Variants in NPM1 observed in about 807,000 individuals in gnomAD.
The protein encoded by NPM1 is nucleophosmin.
A neutral mutation model predicts 44.1 loss-of-function variants in NPM1; 1 was observed. That is an observed-to-expected ratio of 0.02 (90% CI 0.01 to 0.11). The LOEUF (loss-of-function observed/expected upper bound fraction) is 0.11. NPM1 is among the 10% of genes least tolerant of loss of function. The pLI is 1.00. For missense variants in NPM1, 197 were observed against 347.8 expected (o/e 0.57, Z 3.45); for synonymous variants, 126 against 111.8 (o/e 1.13, Z -0.80).
chr5:171,402,297 CAATG>C (rs1771252431), intron 8 of NPM1, among the ~76,000 whole-genome samples: 1 of 150,870 alleles, frequency 6.6e-6, no homozygotes, highest in Non-Finnish European at 1.5e-5. Context: ...ATCGAAACCA[CAATG>C]AGATACCATC....
At position 171,392,727 on chromosome 5, in the gene NPM1, G is replaced by C. The variant is rs1030167696; in HGVS notation, c.370G>C (p.Glu124Gln). 3 of 1,610,886 alleles carry C rather than the reference G, an allele frequency of 1.9e-6. No homozygotes were observed. The African/African-American group carries it at 4.0e-5, about 22-fold the overall frequency. Residue 124 changes from glutamate (E) to glutamine (Q), a missense_variant, in exon 5 of 11, where the codon GAG becomes CAG. Around this residue, in one of 5 missense-constraint regions of NPM1, gnomAD observed 91 missense variants for 94.0 expected, o/e 0.97. Coordinates refer to ENST00000296930, the MANE Select transcript of NPM1 (RefSeq NM_002520.7). Reference sequence around the variant, plus strand: ...TATTTTAGCTGTGGAGGAAGATGCAGAGTCAGAAGATGAAGAGGAGGAGGA... The same window carrying C: ...TATTTTAGCTGTGGAGGAAGATGCACAGTCAGAAGATGAAGAGGAGGAGGA... ...QHLVAVEEDA[E>Q]SEDEEEEDVK...
chr5:171,405,644 G>T, intron 9 of NPM1: 2 of 452,516 alleles, frequency 4.4e-6, no homozygotes, highest in Non-Finnish European at 7.8e-6. Context: ...GTAGTGCACT[G>T]GTTGCAAGAT....
At chr5:171,410,500 A>G (rs1313212992) in intron 10 of NPM1, 27 bp from the exon 11 acceptor site, 3 of 1,491,786 alleles carry the variant, frequency 2.0e-6, no homozygotes, top group Non-Finnish European at 2.7e-6. Context: ...TGGTTCCTTA[A>G]CCACATTTCT....
At chr5:171,391,878 C>A in intron 4 of NPM1, 79 bp downstream of exon 4, 1 of 804,462 alleles carries the variant, frequency 1.2e-6, no homozygotes, top group South Asian at 1.5e-5. Flanking sequence ...GGACTTAAAG[C>A]ATGGGTATAG....
chr5:171,405,088 C>A (rs116020651), intron 8 of NPM1, among the ~76,000 whole-genome samples: 4,268 of 152,176 alleles, frequency 0.028, 149 homozygotes, highest in Admixed American at 0.1. Context: ...CAGGCATGCA[C>A]CACCATGCCT....
At chr5:171,404,299 T>C (rs1195460162) in intron 8 of NPM1, among the ~76,000 whole-genome samples, 1 of 90,406 alleles carries the variant, frequency 1.1e-5, no homozygotes, top group Non-Finnish European at 2.2e-5. Flanking sequence ...ACTTCCCAGA[T>C]GGGGTGGCTG....
chr5:171,406,552 A>G, intron 9 of NPM1: 1 of 1,486,388 alleles, frequency 6.7e-7, no homozygotes. Context: ...TTTGCCACCC[A>G]TGCCTCTTCA....
At chr5:171,402,967 CATTTT>C (rs1302875033) in intron 8 of NPM1, among the ~76,000 whole-genome samples, 2 of 45,000 alleles carry the variant, frequency 4.4e-5, no homozygotes, top group Middle Eastern at 0.01. Context: ...TTTTTTTTTT[CATTTT>C]ATTTATTTAT....
intron 4 of NPM1, 51 bp from the exon 5 acceptor site, chr5:171,392,659 T>TC (rs749776062): frequency 4.9e-6 from 6 of 1,229,446 alleles, no homozygotes; most frequent in African/African-American, 4.5e-5. Flanking sequence ...TCTTTTTTTT[T>TC]CTGACTTCTT....
intron 9 of NPM1, 112 bp downstream of exon 9, chr5:171,405,515 T>TG (rs1771517722): frequency 3.0e-6 from 2 of 660,290 alleles, no homozygotes; most frequent in East Asian, 5.5e-5. Flanking sequence ...TTAATATACT[T>TG]GCCTGGTTCG....
rs146200852 is a variant in NPM1 at position 171,410,699 on chromosome 5, C to G, written c.*134C>G. On this transcript the variant is annotated 3_prime_UTR_variant, in exon 11 of 11. Transcript: ENST00000296930. The stretch of plus-strand genomic sequence containing the variant: ...GTGTTTGATAAATGTTGTCCAGGTT[C>G]TATTGCCAAGAATGTGTTGTCCAAA... 2.3e-3 allele frequency: 1,253 copies of G among 554,054 alleles called. 13 individuals are homozygous for G. Among genetic ancestry groups the G allele is most frequent in the African/African-American group, 0.022 (1,143 of 52,164 alleles). The allele number at this position is 554,054 out of a possible 1,614,324, so 34.3% of individuals were successfully genotyped here.
intron 10 of NPM1, among the ~76,000 whole-genome samples, chr5:171,409,308 T>C (rs1387758286): frequency 6.6e-6 from 1 of 152,176 alleles, no homozygotes; most frequent in Non-Finnish European, 1.5e-5. Flanking sequence ...AACCTGATGA[T>C]AAGATCTCTG....
In NPM1 at chr5:171,407,688, T is replaced by C; in HGVS notation, c.772-12T>C. 6.5e-7 allele frequency: 1 copy of C among 1,531,766 alleles called. No homozygotes were observed. Among genetic ancestry groups the C allele is most frequent in the Non-Finnish European group, 9.0e-7 (1 of 1,106,764 alleles). The allele number at this position is 1,531,766 out of a possible 1,614,324, so 94.9% of individuals were successfully genotyped here. A position where few individuals can be genotyped will look rare whatever the true frequency, so the allele number is the denominator to read the frequency against. On this transcript the variant is annotated splice_polypyrimidine_tract_variant and intron_variant, in intron 9 of 10. Transcript: ENST00000296930. ...TCTCTACTTACCTGTAATAATGCTT[T>C]TGTCTTAATAGGGTGGTTCTCTTCC...
chr5:171,403,775 G>A (rs1346869492), intron 8 of NPM1, among the ~76,000 whole-genome samples: 1 of 125,932 alleles, frequency 7.9e-6, no homozygotes, highest in South Asian at 2.9e-4. Flanking sequence ...GCGGCTGGCC[G>A]GGCAGAGGGG....
At chr5:171,387,205 A>G (rs998987828), upstream of NPM1, 2 of 152,208 alleles carry the variant, frequency 1.3e-5, no homozygotes, top group Admixed American at 1.3e-4. Context: ...ATGTTTTCTC[A>G]GGAAGGACAG....
chr5:171,398,645 C>T (rs144541624), intron 6 of NPM1, among the ~76,000 whole-genome samples: 83 of 152,132 alleles, frequency 5.5e-4, no homozygotes, highest in African/African-American at 2.0e-3. Flanking sequence ...GTAGCGTGTG[C>T]CTGTAGTCCC....
Position 171,387,861 on chromosome 5 carries a change from T to C in NPM1, c.-88T>C, listed in dbSNP as rs1770315109. 1 of 1,244,186 alleles carries C rather than the reference T, an allele frequency of 8.0e-7. No homozygotes were observed. The highest frequency in any genetic ancestry group is 1.2e-6 in the Non-Finnish European group (1 of 850,250). The allele number at this position is 1,244,186 out of a possible 1,614,324, so 77.1% of individuals were successfully genotyped here. A position where few individuals can be genotyped will look rare whatever the true frequency, so the allele number is the denominator to read the frequency against. On this transcript the variant is annotated 5_prime_UTR_variant, in exon 1 of 11. Coordinates refer to ENST00000296930, the MANE Select transcript of NPM1 (RefSeq NM_002520.7). ...GGGAGCCTGCGTCCTTTCCCTGGTG[T>C]GATTCCGTCCTGCGCGGTTGTTCTC...
chr5:171,393,391 T>C (rs925050464), intron 6 of NPM1, among the ~76,000 whole-genome samples: 4 of 152,236 alleles, frequency 2.6e-5, no homozygotes, highest in African/African-American at 9.6e-5. Flanking sequence ...TCAAGGTTTG[T>C]TATTCCCTAA....
chr5:171,401,823 C>T (rs1043221324), intron 8 of NPM1, among the ~76,000 whole-genome samples: 2 of 152,156 alleles, frequency 1.3e-5, no homozygotes, highest in Admixed American at 6.5e-5. Context: ...TCAACCTTGG[C>T]TGCATGTTAG....
Sources: allele counts gnomAD v4.1 joint callset (sites outside exome capture counted in the v4.1 genomes callset), GRCh38; gene constraint gnomAD v4.1.1; regional missense constraint gnomAD v4.1.1; transcripts MANE v1.5; gene names NCBI Gene and HGNC (gene_info 2026-07-23, HGNC 2026-07-21).